Variants in SMARCD2 observed in about 807,000 individuals in gnomAD.
SMARCD2 encodes the protein SWI/SNF-related matrix-associated actin-dependent regulator of chromatin subfamily D member 2.
A neutral mutation model predicts 70.4 loss-of-function variants in SMARCD2; 39 were observed. The observed-to-expected ratio is 0.55, with a 90% CI of 0.43 to 0.72. SMARCD2 has a LOEUF of 0.72. Among genes scored for constraint, SMARCD2 ranks in the 30% least tolerant of loss-of-function variants. The pLI is 0.00. For synonymous variants in SMARCD2, 249 were observed against 279.4 expected, an observed-to-expected ratio of 0.89 and a Z score of 1.08; for missense variants, 540 against 713.4, an observed-to-expected ratio of 0.76 and a Z score of 2.77.
chr17:63,842,037 G>T (rs1904483554), intron 1 of SMARCD2, among the ~76,000 whole-genome samples: 1 of 152,160 alleles, frequency 6.6e-6, no homozygotes, highest in South Asian at 2.1e-4. Context: ...TTCCCAATCA[G>T]AAAAAACAGG....
At position 63,832,132 on chromosome 17, in the gene SMARCD2, C is replaced by T; in HGVS notation, c.*806G>A. The T allele has an allele frequency of 2.8e-6, 2 of 724,622 alleles. No homozygotes were observed. The highest frequency in any genetic ancestry group is 2.3e-6 in the Non-Finnish European group (1 of 432,974). The allele number at this position is 724,622 out of a possible 1,614,324, so 44.9% of individuals were successfully genotyped here. A position where few individuals can be genotyped will look rare whatever the true frequency, so the allele number is the denominator to read the frequency against. The stretch of plus-strand genomic sequence containing the variant: ...ATTTCCAAACCTGCCAGATGTGGCA[C>T]TCGCCAAGCCCTAGGCCCACCCTCC... On this transcript the variant is annotated 3_prime_UTR_variant, in exon 13 of 13. Coordinates refer to ENST00000448276, the MANE Select transcript of SMARCD2 (RefSeq NM_001098426.2).
chr17:63,834,676 GC>G lies in SMARCD2; in HGVS notation c.819+28del. On this transcript the variant is annotated intron_variant, in intron 6 of 12. Coordinates refer to ENST00000448276, the MANE Select transcript of SMARCD2 (RefSeq NM_001098426.2). The surrounding 1 kb of genome is among the most constrained non-coding windows in gnomAD (Gnocchi z 5.6). ...ATTTCCCTGCCAAACCTGCACATCA[GC>G]CTGCTTTTGCCCCAGGCCCACTCTC... is the stretch of plus-strand genomic sequence containing the variant. The G allele has an allele frequency of 6.3e-7, 1 of 1,588,814 alleles. No individual in the cohort carries two copies. The highest frequency in any genetic ancestry group is 1.3e-5 in the African/African-American group (1 of 74,520).
rs1471186720 is a variant in SMARCD2 at position 63,837,578 on chromosome 17, C to G, written c.264G>C (p.Gln88His). 2 of 1,612,664 alleles carry G rather than the reference C, an allele frequency of 1.2e-6. No individual in the cohort carries two copies. Among genetic ancestry groups the G allele is most frequent in the African/African-American group, 1.3e-5 (1 of 74,912 alleles). The change falls in exon 2 of 13, where the codon CAG becomes CAC. Residue 88 changes from glutamine (Q) to histidine (H), a missense_variant. Physicochemically the swap from Gln to His is conservative, Grantham distance 24. Coordinates refer to ENST00000448276, the MANE Select transcript of SMARCD2 (RefSeq NM_001098426.2). This position sits in a 1 kb window ranked among gnomAD's most constrained non-coding sequence, Gnocchi z 6.4. ...PGNRMPMAGL[Q>H]VGPPAGSPFG... ...ATGGGGAGCCAGCAGGGGGTCCCAC[C>G]TGCAAGCCAGCCATGGGCATCCGGT... is the stretch of plus-strand genomic sequence containing the variant.
Position 63,835,438 on chromosome 17 carries a change from G to T in SMARCD2, c.697C>A (p.Arg233=), listed in dbSNP as rs367946883. The change falls in exon 5 of 13, where the codon CGA becomes AGA. Residue 233 remains arginine, a synonymous_variant. Transcript: ENST00000448276. ...TCATCCAGCAGTTTTCCTTCCACTCGGAGTTCCCAGGAAGCCACCTTGTCC... is the reference window on the plus strand; with the variant it reads ...TCATCCAGCAGTTTTCCTTCCACTCTGAGTTCCCAGGAAGCCACCTTGTCC... ...AGDKVASWEL[R]VEGKLLDDPS... is the part of the protein sequence containing the mutation. The T allele has an allele frequency of 2.5e-6, 4 of 1,613,412 alleles. No homozygotes were observed. The highest frequency in any genetic ancestry group is 1.6e-4 in the Middle Eastern group (1 of 6,078).
chr17:63,832,582 G>T lies in SMARCD2; in HGVS notation c.*356C>A. Reference sequence around the variant, plus strand: ...CTCCTCTTCCTAGCCCAGCTCCCCAGAGCCAGCTCTGACCCTCGCCCCAGG... The same window carrying T: ...CTCCTCTTCCTAGCCCAGCTCCCCATAGCCAGCTCTGACCCTCGCCCCAGG... On this transcript the variant is annotated 3_prime_UTR_variant, in exon 13 of 13. Transcript: ENST00000448276. The T allele has an allele frequency of 2.8e-6, 1 of 358,430 alleles. No homozygotes were observed. Among genetic ancestry groups the T allele is most frequent in the Non-Finnish European group, 5.3e-6 (1 of 189,758 alleles). 22.2% of individuals were successfully genotyped at this position (358,430 alleles called of 1,614,324 possible).
intron 1 of SMARCD2, chr17:63,839,024 T>TCAA: frequency 1.0e-6 from 1 of 984,032 alleles, no homozygotes; most frequent in East Asian, 1.1e-4. Flanking sequence ...GAATAAAAAG[T>TCAA]TCAAAGTGGG....
At position 63,834,114 on chromosome 17, in the gene SMARCD2, A is replaced by C; in HGVS notation, c.1083+53T>G. On this transcript the variant is annotated intron_variant, in intron 8 of 12. Transcript: ENST00000448276. The surrounding 1 kb of genome is among the most constrained non-coding windows in gnomAD (Gnocchi z 5.6). ...GCAGGCTGTGGCCAAGGAGTAGCCC[A>C]GCAGGCAAGGCAAAGCAAGGGCTGA... 2 of 1,601,748 alleles carry C rather than the reference A, an allele frequency of 1.2e-6. No individual in the cohort carries two copies. Among genetic ancestry groups the C allele is most frequent in the Non-Finnish European group, 1.7e-6 (2 of 1,170,198 alleles).
At position 63,832,368 on chromosome 17, in the gene SMARCD2, A is replaced by C. The variant is rs1012173857; in HGVS notation, c.*570T>G. 8.7e-6 allele frequency: 2 copies of C among 228,838 alleles called. No homozygotes were observed. The highest frequency in any genetic ancestry group is 1.7e-5 in the Non-Finnish European group (2 of 115,874). 14.2% of individuals were successfully genotyped at this position (228,838 alleles called of 1,614,324 possible). ...CATAGATTGAGGAAAGAAAAGAAGG[A>C]GGCACCTAACAGGCTCCCTGAAAAC... On this transcript the variant is annotated 3_prime_UTR_variant, in exon 13 of 13. Transcript: ENST00000448276.
rs2040208582 is a variant in SMARCD2, at chr17:63,832,794, A to G, written c.*144T>C. ...GGACCAAGCAACAAGGAATCCTATC[A>G]CTACATTTATAAGACTAAAGCTGGA... On this transcript the variant is annotated 3_prime_UTR_variant, in exon 13 of 13. Transcript: ENST00000448276. The G allele has an allele frequency of 6.9e-6, 5 of 720,710 alleles. No individual in the cohort carries two copies. Among genetic ancestry groups the G allele is most frequent in the Admixed American group, 4.6e-5 (2 of 43,240 alleles). The allele number at this position is 720,710 out of a possible 1,614,324, so 44.6% of individuals were successfully genotyped here. A position where few individuals can be genotyped will look rare whatever the true frequency, so the allele number is the denominator to read the frequency against.
rs548298995 is a variant in SMARCD2, at chr17:63,835,062, G to A, written c.724-262C>T. The A allele has an allele frequency of 2.8e-4, 154 of 545,894 alleles. 1 individual carries two copies. The highest frequency in any genetic ancestry group is 4.4e-4 in the Non-Finnish European group (134 of 308,032). 33.8% of individuals were successfully genotyped at this position (545,894 alleles called of 1,614,324 possible). The stretch of plus-strand genomic sequence containing the variant: ...ATAACCACACAAATCAACCTCCAAC[G>A]GGCTTGGAGCAGCGCCCCCCTCCCT... On this transcript the variant is annotated intron_variant, in intron 5 of 12. Transcript: ENST00000448276.
chr17:63,834,839 T>A lies in SMARCD2; in HGVS notation c.724-39A>T. 7.5e-7 allele frequency: 1 copy of A among 1,331,148 alleles called. No homozygotes were observed. Among genetic ancestry groups the A allele is most frequent in the Non-Finnish European group, 1.1e-6 (1 of 923,292 alleles). The allele number at this position is 1,331,148 out of a possible 1,614,324, so 82.5% of individuals were successfully genotyped here. A position where few individuals can be genotyped will look rare whatever the true frequency, so the allele number is the denominator to read the frequency against. On this transcript the variant is annotated intron_variant, in intron 5 of 12. Transcript: ENST00000448276. This position sits in a 1 kb window ranked among gnomAD's most constrained non-coding sequence, Gnocchi z 5.6. The stretch of plus-strand genomic sequence containing the variant: ...GGGGTGTGAGATGGTGCTGCTGAGC[T>A]CTCAAATCTCAAGCTATGCTAAATC...
intron 1 of SMARCD2, among the ~76,000 whole-genome samples, chr17:63,840,108 G>A (rs1014428274): frequency 1.3e-5 from 2 of 151,740 alleles, no homozygotes; most frequent in African/African-American, 4.8e-5. Context: ...CAGCCTGGGC[G>A]ACAGAGTGAG....
At chr17:63,839,184 C>T in intron 1 of SMARCD2, 1 of 985,350 alleles carries the variant, frequency 1.0e-6, no homozygotes, top group African/African-American at 1.7e-5. Flanking sequence ...CTAAGTGTGG[C>T]TACAGCTGTA....
At position 63,832,893 on chromosome 17, in the gene SMARCD2, G is replaced by T. The variant is rs558471495; in HGVS notation, c.*45C>A. On this transcript the variant is annotated 3_prime_UTR_variant, in exon 13 of 13. Coordinates refer to ENST00000448276, the MANE Select transcript of SMARCD2 (RefSeq NM_001098426.2). Reference sequence around the variant, plus strand: ...GGCCCCAGCAAGGACCCAGAGGGTGGTCTCCCTCCAGGCTCCAGGGCTGGG... The same window carrying T: ...GGCCCCAGCAAGGACCCAGAGGGTGTTCTCCCTCCAGGCTCCAGGGCTGGG... The T allele has an allele frequency of 1.2e-5, 18 of 1,530,892 alleles. No homozygotes were observed. The highest frequency in any genetic ancestry group is 7.1e-6 in the Non-Finnish European group (8 of 1,129,652). The allele number at this position is 1,530,892 out of a possible 1,614,324, so 94.8% of individuals were successfully genotyped here. A position where few individuals can be genotyped will look rare whatever the true frequency, so the allele number is the denominator to read the frequency against.
At position 63,833,855 on chromosome 17, in the gene SMARCD2, C is replaced by G. The variant is rs2040228523; in HGVS notation, c.1181+54G>C. 6.4e-7 allele frequency: 1 copy of G among 1,554,820 alleles called. No homozygotes were observed. On this transcript the variant is annotated intron_variant, in intron 9 of 12. Coordinates refer to ENST00000448276, the MANE Select transcript of SMARCD2 (RefSeq NM_001098426.2). This position sits in a 1 kb window ranked among gnomAD's most constrained non-coding sequence, Gnocchi z 4.3. ...ATGCTTTCTTTGGCTTTAGTTCAAG[C>G]CAAGGGTGAATCTGCTCTTAGAAGA... is the stretch of plus-strand genomic sequence containing the variant.
chr17:63,839,845 G>A (rs1042838761), intron 1 of SMARCD2, among the ~76,000 whole-genome samples: 1 of 152,208 alleles, frequency 6.6e-6, no homozygotes, highest in African/African-American at 2.4e-5. Context: ...AAAGGATTTT[G>A]AGGCCGGGTG....
At position 63,837,759 on chromosome 17, in the gene SMARCD2, G is replaced by T; in HGVS notation, c.217-134C>A. On this transcript the variant is annotated intron_variant, in intron 1 of 12. Coordinates refer to ENST00000448276, the MANE Select transcript of SMARCD2 (RefSeq NM_001098426.2). The surrounding 1 kb of genome is among the most constrained non-coding windows in gnomAD (Gnocchi z 6.4). ...CACCAGAGCCCTGCTGGAGCCCCAG[G>T]AACAAAGGGGAGTGGGCGCCTGAGC... 1 of 711,700 alleles carries T rather than the reference G, an allele frequency of 1.4e-6. No individual in the cohort carries two copies. Among genetic ancestry groups the T allele is most frequent in the Non-Finnish European group, 2.3e-6 (1 of 431,240 alleles). 44.1% of individuals were successfully genotyped at this position (711,700 alleles called of 1,614,324 possible).
In SMARCD2 at chr17:63,837,115, C is replaced by T; in HGVS notation, c.445-71G>A. ...CTGGCTCTTTCCTCCCTTCCTGCTGCAGCCCAGCTTTGAGAGAGATGGACA... is the reference window on the plus strand; with the variant it reads ...CTGGCTCTTTCCTCCCTTCCTGCTGTAGCCCAGCTTTGAGAGAGATGGACA... On this transcript the variant is annotated intron_variant, in intron 3 of 12. Coordinates refer to ENST00000448276, the MANE Select transcript of SMARCD2 (RefSeq NM_001098426.2). This position sits in a 1 kb window ranked among gnomAD's most constrained non-coding sequence, Gnocchi z 6.4. The T allele has an allele frequency of 6.2e-7, 1 of 1,612,350 alleles. No individual in the cohort carries two copies. Among genetic ancestry groups the T allele is most frequent in the Non-Finnish European group, 8.5e-7 (1 of 1,178,592 alleles).
intron 1 of SMARCD2, chr17:63,839,270 T>C: frequency 1.0e-5 from 10 of 984,658 alleles, no homozygotes; most frequent in Non-Finnish European, 1.2e-5. Flanking sequence ...AAGCAGTGGG[T>C]CCTGCAGAGG....
Sources: allele counts gnomAD v4.1 joint callset (sites outside exome capture counted in the v4.1 genomes callset), GRCh38; gene constraint gnomAD v4.1.1; non-coding constraint Gnocchi (gnomAD v3.1); transcripts MANE v1.5; gene names NCBI Gene and HGNC (gene_info 2026-07-23, HGNC 2026-07-21).